Variants in DYNC1I1 observed in about 807,000 individuals in gnomAD.
The protein encoded by DYNC1I1 is cytoplasmic dynein 1 intermediate chain 1.
In DYNC1I1, 43 loss-of-function variants were observed where a neutral mutation model predicts 86.6. That is an observed-to-expected ratio of 0.50 (90% CI 0.39 to 0.64). The LOEUF is 0.64. Among genes scored for constraint, DYNC1I1 ranks in the 30% least tolerant of loss-of-function variants. DYNC1I1 has a pLI of 0.00. For synonymous variants in DYNC1I1, 262 were observed against 283.7 expected (o/e 0.92, Z 0.77); for missense variants, 604 against 788.8 (o/e 0.77, Z 2.81).
At chr7:95,940,826 G>A (rs1306775493) in intron 6 of DYNC1I1, among the ~76,000 whole-genome samples, 1 of 152,210 alleles carries the variant, frequency 6.6e-6, no homozygotes, top group East Asian at 1.9e-4. Context: ...GTCCAGCTTT[G>A]TTCCGTTGCT....
chr7:95,841,364 G>A (rs372817534), intron 5 of DYNC1I1, among the ~76,000 whole-genome samples: 2 of 152,102 alleles, frequency 1.3e-5, no homozygotes, highest in African/African-American at 4.8e-5. Context: ...ATGGGTAGCA[G>A]CTGGAAAAGT....
intron 6 of DYNC1I1, among the ~76,000 whole-genome samples, chr7:95,882,333 GC>G (rs1489551953): frequency 9.2e-5 from 14 of 152,160 alleles, no homozygotes; most frequent in Admixed American, 7.9e-4. Context: ...CAATGTTCTT[GC>G]CAAAACCGGG....
chr7:95,869,785 T>G, intron 5 of DYNC1I1, 98 bp from the exon 6 acceptor site: 18 of 1,132,236 alleles, frequency 1.6e-5, no homozygotes, highest in Non-Finnish European at 1.9e-5. Context: ...GCTGAGGGTA[T>G]TTGTGGTTTG....
intron 10 of DYNC1I1, among the ~76,000 whole-genome samples, chr7:96,021,355 T>C (rs1479312865): frequency 6.6e-6 from 1 of 151,898 alleles, no homozygotes; most frequent in Non-Finnish European, 1.5e-5. Context: ...TCTCAGGAAG[T>C]AGAAATTGAA....
chr7:95,926,489 CA>C (rs1260283572), intron 6 of DYNC1I1, among the ~76,000 whole-genome samples: 7 of 152,092 alleles, frequency 4.6e-5, no homozygotes, highest in South Asian at 2.1e-4. Flanking sequence ...GAAATGGTTA[CA>C]AAAAATGATT....
chr7:96,064,823 A>G (rs1226680432), intron 14 of DYNC1I1, among the ~76,000 whole-genome samples: 1 of 152,082 alleles, frequency 6.6e-6, no homozygotes, highest in East Asian at 1.9e-4. Flanking sequence ...TCTGCCTTCC[A>G]TTTGCCAGAT....
At chr7:96,103,861 C>T (rs1002994145) in intron 16 of DYNC1I1, among the ~76,000 whole-genome samples, 1 of 152,194 alleles carries the variant, frequency 6.6e-6, no homozygotes, top group Non-Finnish European at 1.5e-5. Flanking sequence ...ATCCACCCGC[C>T]TCAGCCTCCC....
In DYNC1I1 at chr7:95,804,408, A is replaced by T. The variant is rs1337822290; in HGVS notation, c.-9-313A>T. 5 of 1,258,638 alleles carry T rather than the reference A, an allele frequency of 4.0e-6. No homozygotes were observed. The South Asian group carries it at 5.3e-5, about 13-fold the overall frequency. The allele number at this position is 1,258,638 out of a possible 1,614,324, so 78.0% of individuals were successfully genotyped here. ...TTGATTCTCTTATTTATTTTTGTTT[A>T]TTTGTTAAGAAACTTGTATAGAAAA... On this transcript the variant is annotated intron_variant, in intron 1 of 16. Transcript: ENST00000447467.
intron 8 of DYNC1I1, among the ~76,000 whole-genome samples, chr7:95,985,326 G>A (rs1793563213): frequency 6.6e-6 from 1 of 152,132 alleles, no homozygotes; most frequent in South Asian, 2.1e-4. Flanking sequence ...TGATGTCCAA[G>A]CAAATAGGAA....
At chr7:95,790,049 C>A (rs1183317476) in intron 1 of DYNC1I1, among the ~76,000 whole-genome samples, 1 of 152,172 alleles carries the variant, frequency 6.6e-6, no homozygotes, top group Non-Finnish European at 1.5e-5. Flanking sequence ...GAGTGAATTA[C>A]ACACTAGGAA....
chr7:96,107,830 T>C (rs1307369076), intron 16 of DYNC1I1, among the ~76,000 whole-genome samples: 1 of 151,356 alleles, frequency 6.6e-6, no homozygotes, highest in Non-Finnish European at 1.5e-5. Flanking sequence ...CCGGCCTTCT[T>C]CATTTTTGAG....
chr7:95,848,077 T>C (rs1562920485), intron 5 of DYNC1I1, among the ~76,000 whole-genome samples: 1 of 152,184 alleles, frequency 6.6e-6, no homozygotes, highest in Non-Finnish European at 1.5e-5. Flanking sequence ...TAAATATAGC[T>C]AATTAGCATA....
chr7:96,067,972 T>C (rs1790044638), intron 14 of DYNC1I1, among the ~76,000 whole-genome samples: 1 of 152,168 alleles, frequency 6.6e-6, no homozygotes, highest in African/African-American at 2.4e-5. Flanking sequence ...ACCTTTCTGC[T>C]CTAACCTACA....
At chr7:96,029,396 C>A (rs1305463359) in intron 11 of DYNC1I1, among the ~76,000 whole-genome samples, 2 of 152,116 alleles carry the variant, frequency 1.3e-5, no homozygotes, top group African/African-American at 4.8e-5. Flanking sequence ...TAGTGTGAAA[C>A]CATGCCTTGG....
chr7:96,015,317 A>G (rs1794374095), intron 10 of DYNC1I1, among the ~76,000 whole-genome samples: 1 of 152,158 alleles, frequency 6.6e-6, no homozygotes, highest in South Asian at 2.1e-4. Context: ...CTCCCATATA[A>G]ATTCAATGAA....
chr7:95,933,400 C>T (rs1791954179), intron 6 of DYNC1I1, among the ~76,000 whole-genome samples: 2 of 152,086 alleles, frequency 1.3e-5, no homozygotes, highest in African/African-American at 2.4e-5. Flanking sequence ...AAGGAAGCAG[C>T]CTCAGATGAA....
chr7:95,986,967 T>A (rs1011235516), intron 8 of DYNC1I1, 89 bp from the exon 9 acceptor site: 6 of 1,138,302 alleles, frequency 5.3e-6, no homozygotes, highest in Non-Finnish European at 7.9e-6. Context: ...GAGAGTATTG[T>A]GTGCCAGGCT....
At chr7:95,801,795 G>A (rs1290002927) in intron 1 of DYNC1I1, among the ~76,000 whole-genome samples, 2 of 152,168 alleles carry the variant, frequency 1.3e-5, no homozygotes, top group Non-Finnish European at 2.9e-5. Context: ...CATTGGTGTT[G>A]AAAATTATTG....
chr7:96,100,650 T>TGTGTGTGTGTGTGTGTGTG (rs1791119550), downstream of DYNC1I1, among the ~76,000 whole-genome samples: 13 of 142,844 alleles, frequency 9.1e-5, no homozygotes, highest in Non-Finnish European at 1.7e-4. Flanking sequence ...TTTGAGGGTT[T>TGTGTGTGTGTGTGTGTGTG]TGTGTGTGTG....
Sources: allele counts gnomAD v4.1 joint callset (sites outside exome capture counted in the v4.1 genomes callset), GRCh38; gene constraint gnomAD v4.1.1; transcripts MANE v1.5; gene names NCBI Gene and HGNC (gene_info 2026-07-23, HGNC 2026-07-21).